The following GNB1 variants were observed in gnomAD, a reference collection of about 807,000 sequenced individuals.
The protein encoded by GNB1 is G protein subunit beta 1.
In GNB1, 2 loss-of-function variants were observed where a neutral mutation model predicts 42.9. The observed-to-expected ratio is 0.05, with a 90% CI of 0.02 to 0.15. The LOEUF is 0.15. Among genes scored for constraint, GNB1 ranks in the 10% least tolerant of loss-of-function variants. GNB1 has a pLI of 1.00. For synonymous variants in GNB1, 183 were observed against 174.7 expected, an observed-to-expected ratio of 1.05 and a Z score of -0.38; for missense variants, 193 against 462.2, an observed-to-expected ratio of 0.42 and a Z score of 5.34.
chr1:1,785,884 C>T lies in GNB1; in HGVS notation c.*1179G>A, dbSNP rs969361988. 6 of 397,400 alleles carry T rather than the reference C, an allele frequency of 1.5e-5. No individual in the cohort carries two copies. Among genetic ancestry groups the T allele is most frequent in the African/African-American group, 2.1e-5 (1 of 48,140 alleles). 24.6% of individuals were successfully genotyped at this position (397,400 alleles called of 1,614,324 possible). Reference sequence around the variant, plus strand: ...GTAGAGCCGCGCGCTGTACTGCTTCCGATATGTGCCACAGAGCAGCAACGA... The same window carrying T: ...GTAGAGCCGCGCGCTGTACTGCTTCTGATATGTGCCACAGAGCAGCAACGA... On this transcript the variant is annotated 3_prime_UTR_variant, in exon 12 of 12. Transcript: ENST00000378609.
At chr1:1,801,096 T>G (rs530026720) in intron 7 of GNB1, among the ~76,000 whole-genome samples, 1 of 152,362 alleles carries the variant, frequency 6.6e-6, no homozygotes, top group Admixed American at 6.5e-5. Flanking sequence ...AGTGGCGTGA[T>G]CTCAGCTCAC....
intron 1 of GNB1, among the ~76,000 whole-genome samples, chr1:1,855,332 A>AAAAAG (rs1379725255): frequency 6.6e-6 from 1 of 151,032 alleles, no homozygotes; most frequent in African/African-American, 2.4e-5. Context: ...AAAAAAAAAA[A>AAAAAG]AAAAGAAAAG....
chr1:1,850,186 A>G (rs1231424634), intron 1 of GNB1, among the ~76,000 whole-genome samples: 1 of 151,520 alleles, frequency 6.6e-6, no homozygotes, highest in African/African-American at 2.4e-5. Context: ...GCTGGAGTGC[A>G]ATGGCGGGAT....
At chr1:1,834,156 A>G (rs1647113851) in intron 2 of GNB1, among the ~76,000 whole-genome samples, 1 of 152,084 alleles carries the variant, frequency 6.6e-6, no homozygotes, top group African/African-American at 2.4e-5. Context: ...GACGCTGGCA[A>G]CTGGGGGAAG....
intron 1 of GNB1, among the ~76,000 whole-genome samples, chr1:1,884,307 G>A (rs1025478567): frequency 1.6e-4 from 25 of 152,174 alleles, no homozygotes; most frequent in African/African-American, 6.0e-4. Flanking sequence ...CTCCATGTTG[G>A]CCAGGCTGAT....
intron 1 of GNB1, among the ~76,000 whole-genome samples, chr1:1,846,643 T>C (rs761426754): frequency 5.3e-5 from 8 of 152,096 alleles, no homozygotes; most frequent in African/African-American, 7.2e-5. Flanking sequence ...ACTGAAACCT[T>C]GAACTCCTAG....
At chr1:1,858,211 AAG>A (rs1307199578) in intron 1 of GNB1, among the ~76,000 whole-genome samples, 1 of 152,230 alleles carries the variant, frequency 6.6e-6, no homozygotes, top group Non-Finnish European at 1.5e-5. Flanking sequence ...AACAGGAGAG[AAG>A]GCCATGGCCA....
At chr1:1,885,891 G>A (rs1036306505) in intron 1 of GNB1, among the ~76,000 whole-genome samples, 1 of 146,484 alleles carries the variant, frequency 6.8e-6, no homozygotes, top group Non-Finnish European at 1.5e-5. Flanking sequence ...AAGCAAGCAA[G>A]CAACATTGCT....
Position 1,811,990 on chromosome 1 carries a change from T to C in GNB1, c.203+3766A>G, listed in dbSNP as rs534608758. Among the ~76,000 whole-genome samples, 3 of 151,364 alleles carry C rather than the reference T, an allele frequency of 2.0e-5. No individual in the cohort carries two copies. The East Asian group carries it at 5.9e-4, about 30-fold the overall frequency. On this transcript the variant is annotated intron_variant, in intron 5 of 11. Transcript: ENST00000378609. ...CTGAGGCAGGAGAATGGCGTGAACC[T>C]GGGAGGCAGAGCTTGCAGTGAGCCG...
chr1:1,799,343 GTTTT>G (rs373146056), intron 7 of GNB1, among the ~76,000 whole-genome samples: 1 of 152,112 alleles, frequency 6.6e-6, no homozygotes, highest in African/African-American at 2.4e-5. Flanking sequence ...ACTAATACCA[GTTTT>G]TTTATTTTCT....
intron 2 of GNB1, among the ~76,000 whole-genome samples, chr1:1,835,830 TC>T (rs1204351334): frequency 1.3e-5 from 2 of 149,242 alleles, no homozygotes; most frequent in Non-Finnish European, 3.0e-5. Context: ...CTGAGCACTT[TC>T]CGAGGCAAGG....
chr1:1,803,789 C>T (rs995746671), intron 7 of GNB1, among the ~76,000 whole-genome samples: 2 of 151,802 alleles, frequency 1.3e-5, no homozygotes, highest in African/African-American at 4.8e-5. Flanking sequence ...CAAGACCAGC[C>T]TGGCCAATAC....
At chr1:1,881,071 A>G (rs371265517) in intron 1 of GNB1, among the ~76,000 whole-genome samples, 1 of 152,170 alleles carries the variant, frequency 6.6e-6, no homozygotes. Context: ...AGGAGAAAGT[A>G]TAAGGCCTGC....
chr1:1,839,430 A>G (rs951071593), intron 1 of GNB1, among the ~76,000 whole-genome samples, 192 bp from the exon 2 acceptor site: 16 of 152,226 alleles, frequency 1.1e-4, no homozygotes, highest in African/African-American at 3.6e-4. Flanking sequence ...AAAATAAGAA[A>G]TCAGATCTCA....
intron 3 of GNB1, among the ~76,000 whole-genome samples, chr1:1,824,000 C>CGCA (rs1646965650): frequency 6.6e-6 from 1 of 152,130 alleles, no homozygotes; most frequent in Admixed American, 6.6e-5. Context: ...ACTACAGGCG[C>CGCA]GCACCACCAT....
intron 1 of GNB1, among the ~76,000 whole-genome samples, chr1:1,876,492 C>CAAGAGA (rs71574350): frequency 6.8e-6 from 1 of 147,832 alleles, no homozygotes; most frequent in African/African-American, 2.5e-5. Flanking sequence ...CATGTGCACA[C>CAAGAGA]GAGAGAGAGA....
chr1:1,811,141 A>G (rs1327105094), intron 5 of GNB1, among the ~76,000 whole-genome samples: 3 of 148,326 alleles, frequency 2.0e-5, no homozygotes, highest in East Asian at 2.0e-4. Flanking sequence ...GCTGGAGTGC[A>G]GTGGTGTGAT....
chr1:1,865,670 T>C (rs1458768877), intron 1 of GNB1, among the ~76,000 whole-genome samples: 1 of 152,186 alleles, frequency 6.6e-6, no homozygotes. Context: ...GCAAGAAACA[T>C]GACTACAAGG....
intron 5 of GNB1, among the ~76,000 whole-genome samples, chr1:1,814,797 C>CAAAAAAAAAAAA (rs66588627): frequency 3.4e-4 from 26 of 77,552 alleles, no homozygotes; most frequent in Non-Finnish European, 4.6e-4. Flanking sequence ...GACCCTGTCT[C>CAAAAAAAAAAAA]AAAAAAAAAA....
Sources: gnomAD v4.1 joint callset for allele counts (sites outside exome capture counted in the v4.1 genomes callset) on GRCh38, gnomAD v4.1.1 for gene constraint, MANE v1.5 for transcripts, NCBI Gene and HGNC (gene_info 2026-07-23, HGNC 2026-07-21) for gene names.